The following ABCC11 variants were observed in gnomAD, a reference collection of about 807,000 sequenced individuals.
ABCC11 encodes the protein ATP binding cassette subfamily C member 11.
Under a neutral mutation model 149.3 loss-of-function variants are expected in ABCC11, and 135 were observed. The observed-to-expected ratio is 0.90, with a 90% CI of 0.79 to 1.04. ABCC11 has a LOEUF of 1.04. Among genes scored for constraint, ABCC11 ranks in the 50% least tolerant of loss-of-function variants. ABCC11 has a pLI of 0.00. For synonymous variants in ABCC11, 665 were observed against 671.4 expected, an observed-to-expected ratio of 0.99 and a Z score of 0.15; for missense variants, 1,680 against 1,722.1, an observed-to-expected ratio of 0.98 and a Z score of 0.43.
chr16:48,183,461 G>C (rs977933103), intron 23 of ABCC11, among the ~76,000 whole-genome samples: 4 of 152,220 alleles, frequency 2.6e-5, no homozygotes, highest in African/African-American at 9.6e-5. Context: ...TACAGAACCC[G>C]TTTTAAAAAT....
chr16:48,200,421 C>T lies in ABCC11; in HGVS notation c.1937G>A (p.Arg646His), dbSNP rs774404726. 59 of 1,614,092 alleles carry T rather than the reference C, an allele frequency of 3.7e-5. No individual in the cohort carries two copies. The highest frequency in any genetic ancestry group is 6.7e-5 in the African/African-American group (5 of 74,944). ...GATCTGACGGTCGGAATAGACGGCGCGGGCCAGGCTGATCCTCTGTTTCTG... is the reference window on the plus strand; with the variant it reads ...GATCTGACGGTCGGAATAGACGGCGTGGGCCAGGCTGATCCTCTGTTTCTG... ...GGQKQRISLARAVYSDRQIYL... is the reference protein window; with the variant it reads ...GGQKQRISLAHAVYSDRQIYL... Residue 646 changes from arginine to histidine, a missense_variant, in exon 15 of 30, where the codon CGC (arginine) becomes CAC (histidine). Arg to His is a conservative substitution (Grantham distance 29). Coordinates refer to ENST00000356608, the MANE Select transcript of ABCC11 (RefSeq NM_001370497.1).
chr16:48,183,740 A>G (rs1966587838), intron 23 of ABCC11, among the ~76,000 whole-genome samples: 1 of 152,176 alleles, frequency 6.6e-6, no homozygotes, highest in South Asian at 2.1e-4. Flanking sequence ...TCCATCCTGG[A>G]TGACAGAGTG....
chr16:48,225,814 A>C (rs1217055555), intron 4 of ABCC11, among the ~76,000 whole-genome samples: 2 of 152,192 alleles, frequency 1.3e-5, no homozygotes, highest in Admixed American at 1.3e-4. Flanking sequence ...TGAGTTTTCT[A>C]ATTCTTCCAT....
At chr16:48,170,815 G>C in intron 27 of ABCC11, 74 bp downstream of exon 27, 1 of 1,376,184 alleles carries the variant, frequency 7.3e-7, no homozygotes, top group Middle Eastern at 2.2e-4. Flanking sequence ...CACCACATGA[G>C]AGGAGCCCCA....
intron 6 of ABCC11, among the ~76,000 whole-genome samples, chr16:48,218,825 T>C (rs1254150589): frequency 6.6e-6 from 1 of 152,206 alleles, no homozygotes; most frequent in East Asian, 1.9e-4. Flanking sequence ...GTGAGTCCAC[T>C]AAGCCTCTTT....
chr16:48,211,942 T>A (rs1490638689), intron 10 of ABCC11, among the ~76,000 whole-genome samples: 1 of 152,164 alleles, frequency 6.6e-6, no homozygotes, highest in Admixed American at 6.5e-5. Context: ...GCTTAAGAGA[T>A]CTAGAAGGAT....
At chr16:48,205,955 C>T (rs755476476) in intron 12 of ABCC11, among the ~76,000 whole-genome samples, 17 of 152,238 alleles carry the variant, frequency 1.1e-4, no homozygotes, top group African/African-American at 2.9e-4. Context: ...GGACTACTGG[C>T]GCCTGCCACC....
intron 1 of ABCC11, among the ~76,000 whole-genome samples, chr16:48,239,203 C>T (rs1039287276): frequency 3.3e-5 from 5 of 152,040 alleles, no homozygotes; most frequent in African/African-American, 9.7e-5. Context: ...TGAAACTGGA[C>T]CCCTTCCTTA....
intron 27 of ABCC11, among the ~76,000 whole-genome samples, chr16:48,170,422 C>T (rs1965640432): frequency 6.6e-6 from 1 of 152,128 alleles, no homozygotes; most frequent in African/African-American, 2.4e-5. Context: ...CCAGAATGTC[C>T]TCTCAAAAGA....
At chr16:48,169,957 C>T (rs1165661313) in intron 28 of ABCC11, 148 bp downstream of exon 28, 9 of 570,822 alleles carry the variant, frequency 1.6e-5, no homozygotes, top group South Asian at 4.2e-5. Flanking sequence ...GATTCTGTTG[C>T]TGTTGTTGTT....
chr16:48,169,753 C>CT lies in ABCC11; in HGVS notation c.3891+351dup, dbSNP rs1438003502. 2.7e-5 allele frequency among the ~76,000 whole-genome samples: 3 copies of CT among 112,740 alleles called. No individual in the cohort carries two copies. In the Admixed American group the frequency reaches 4.0e-4, roughly 15 times the overall value. The allele number at this position is 112,740 out of a possible 152,430, so 74.0% of individuals were successfully genotyped here. A position where few individuals can be genotyped will look rare whatever the true frequency, so the allele number is the denominator to read the frequency against. On this transcript the variant is annotated intron_variant, in intron 28 of 29. Coordinates refer to ENST00000356608, the MANE Select transcript of ABCC11 (RefSeq NM_001370497.1). The stretch of plus-strand genomic sequence containing the variant: ...GACACAGGGTGGGGAACATCACACA[C>CT]TGGGGCCTGTCGTGGGGTGGGGGGA...
chr16:48,186,750 AT>A (rs1966768177), intron 22 of ABCC11, among the ~76,000 whole-genome samples: 1 of 152,208 alleles, frequency 6.6e-6, no homozygotes, highest in Admixed American at 6.5e-5. Flanking sequence ...GTTTACAAAC[AT>A]TTTTCCTATC....
intron 1 of ABCC11, among the ~76,000 whole-genome samples, chr16:48,239,789 T>A (rs908879455): frequency 1.3e-5 from 2 of 151,952 alleles, no homozygotes; most frequent in Admixed American, 1.3e-4. Flanking sequence ...AGGTCTAATA[T>A]CCAGAGTCTA....
chr16:48,179,370 T>C (rs1296122604), intron 23 of ABCC11, among the ~76,000 whole-genome samples: 1 of 152,156 alleles, frequency 6.6e-6, no homozygotes, highest in Non-Finnish European at 1.5e-5. Context: ...ATAAGGAAAC[T>C]GAGGCGCCAA....
chr16:48,236,408 C>T (rs920823348), intron 1 of ABCC11, among the ~76,000 whole-genome samples: 1 of 152,190 alleles, frequency 6.6e-6, no homozygotes, highest in Non-Finnish European at 1.5e-5. Context: ...TGCATATTTT[C>T]CTAATCTACT....
chr16:48,230,787 A>G (rs1349644115), intron 2 of ABCC11, among the ~76,000 whole-genome samples: 1 of 152,046 alleles, frequency 6.6e-6, no homozygotes, highest in Non-Finnish European at 1.5e-5. Flanking sequence ...AGTCTGGCCC[A>G]GTCACTCTAC....
chr16:48,216,173 T>C lies in ABCC11; in HGVS notation c.892A>G (p.Ile298Val). 2.5e-6 allele frequency: 4 copies of C among 1,614,118 alleles called. No individual in the cohort carries two copies. The highest frequency in any genetic ancestry group is 3.4e-6 in the Non-Finnish European group (4 of 1,180,008). The change falls in exon 7 of 30, where the codon ATT becomes GTT. Residue 298 changes from isoleucine (I) to valine (V), a missense_variant. By Grantham distance (29) the Ile-to-Val change is conservative. Coordinates refer to ENST00000356608, the MANE Select transcript of ABCC11 (RefSeq NM_001370497.1). Reference protein sequence around the residue: ...LVICSISSYFIIGYTAFIAIL... With the variant: ...LVICSISSYFVIGYTAFIAIL... ...GCAATAAATGCAGTGTATCCAATAA[T>C]GAAGTAGGAAGAAATGCTGCAGATG...
chr16:48,215,027 G>C lies in ABCC11; in HGVS notation c.1102C>G (p.Leu368Val). The C allele has an allele frequency of 6.2e-7, 1 of 1,612,832 alleles. No individual in the cohort carries two copies. The highest frequency in any genetic ancestry group is 8.5e-7 in the Non-Finnish European group (1 of 1,179,376). ...EKPFAKIIED[L>V]RRKERKLLEK... ...AATAGTTTCCTTTCCTTCCTTCTTA[G>C]GTCTGGGAAATAAAAAAGAAATACA... Residue 368 changes from leucine to valine, a missense_variant and splice_region_variant, in exon 9 of 30, where the codon CTA (leucine) becomes GTA (valine). Physicochemically the swap from Leu to Val is conservative, Grantham distance 32. Transcript: ENST00000356608.
intron 17 of ABCC11, among the ~76,000 whole-genome samples, chr16:48,197,576 C>T (rs1209705002): frequency 6.6e-6 from 1 of 152,232 alleles, no homozygotes; most frequent in African/African-American, 2.4e-5. Context: ...AGCTTCCAGA[C>T]ATCAGGGGCT....
Sources: allele counts gnomAD v4.1 joint callset (sites outside exome capture counted in the v4.1 genomes callset), GRCh38; gene constraint gnomAD v4.1.1; transcripts MANE v1.5; gene names NCBI Gene and HGNC (gene_info 2026-07-23, HGNC 2026-07-21).